Variants in SPATA6L observed in about 807,000 individuals in gnomAD.
SPATA6L encodes the protein spermatogenesis associated 6-like protein.
SPATA6L carries 68 observed loss-of-function variants against 49.2 expected under a neutral mutation model. That is an observed-to-expected ratio of 1.38 (90% CI 1.14 to 1.69). The LOEUF is 1.69. Ranked by LOEUF, SPATA6L falls within the 40% of genes most tolerant of loss-of-function variation. The probability of loss-of-function intolerance (pLI) is 0.00; values close to 1 mark genes in which losing one functional copy is unlikely to be tolerated. For missense variants in SPATA6L, 668 were observed against 464.3 expected (o/e 1.44, Z -4.03); for synonymous variants, 198 against 165.7 (o/e 1.19, Z -1.50).
intron 1 of SPATA6L, 22 bp downstream of exon 1, chr9:4,666,190 G>A: frequency 1.9e-6 from 3 of 1,613,646 alleles, no homozygotes; most frequent in Non-Finnish European, 2.5e-6. Flanking sequence ...GGTTAAGGAG[G>A]GGGAGTTCAT....
At position 4,662,985 on chromosome 9, in the gene SPATA6L, T is replaced by G; in HGVS notation, c.40-949A>C. The G allele has an allele frequency of 6.2e-7, 1 of 1,612,960 alleles. No individual in the cohort carries two copies. ...CCAGATGGACATGTTTGTCACTCTC[T>G]CGGTGGACAAGTACTCCTTCCCCTC... On this transcript the variant is annotated intron_variant, in intron 1 of 11. Transcript: ENST00000682582. The surrounding 1 kb of genome is among the most constrained non-coding windows in gnomAD (Gnocchi z 4.9).
intron 3 of SPATA6L, among the ~76,000 whole-genome samples, chr9:4,636,886 A>T (rs532745129): frequency 2.6e-5 from 4 of 152,200 alleles, no homozygotes; most frequent in African/African-American, 9.6e-5. Flanking sequence ...CTCCTCAGCA[A>T]TGTACTTCCA....
chr9:4,654,945 C>A (rs1022756794), intron 3 of SPATA6L, among the ~76,000 whole-genome samples: 1 of 152,150 alleles, frequency 6.6e-6, no homozygotes, highest in African/African-American at 2.4e-5. Context: ...CCTTCCTGTA[C>A]CGAGCACTTC....
intron 1 of SPATA6L, chr9:4,663,312 C>G (rs1036722630): frequency 6.4e-7 from 1 of 1,563,688 alleles, no homozygotes. Context: ...TTTCCACATT[C>G]GATGATGTCA....
intron 4 of SPATA6L, among the ~76,000 whole-genome samples, 181 bp from the exon 5 acceptor site, chr9:4,629,349 C>T (rs1212998062): frequency 6.6e-6 from 1 of 152,032 alleles, no homozygotes; most frequent in Non-Finnish European, 1.5e-5. Flanking sequence ...TATTATGTAT[C>T]AGAGCCAGGC....
At chr9:4,641,659 C>T (rs1587346992) in intron 3 of SPATA6L, among the ~76,000 whole-genome samples, 1 of 152,202 alleles carries the variant, frequency 6.6e-6, no homozygotes, top group Non-Finnish European at 1.5e-5. Context: ...ACTTGACAAT[C>T]AGAAGGTCCA....
chr9:4,610,153 A>T (rs1488852633), intron 9 of SPATA6L, among the ~76,000 whole-genome samples: 1 of 152,154 alleles, frequency 6.6e-6, no homozygotes, highest in Non-Finnish European at 1.5e-5. Flanking sequence ...AAGAGGATAC[A>T]AACAAATGGA....
At chr9:4,602,268 T>C (rs1478351827) in intron 11 of SPATA6L, among the ~76,000 whole-genome samples, 1 of 152,138 alleles carries the variant, frequency 6.6e-6, no homozygotes, top group Non-Finnish European at 1.5e-5. Context: ...CATTTGATAA[T>C]CATGTGGGCT....
At chr9:4,664,607 G>A (rs1361016640) in intron 1 of SPATA6L, 1 of 167,080 alleles carries the variant, frequency 6.0e-6, no homozygotes, top group African/African-American at 2.4e-5. Flanking sequence ...TGTGCTTTAA[G>A]TGCTGCTCTA....
chr9:4,644,681 TCTCTCACA>T (rs200225741), intron 3 of SPATA6L, among the ~76,000 whole-genome samples: 1,389 of 132,092 alleles, frequency 0.011, 15 homozygotes, highest in East Asian at 0.077. Context: ...TCTCTCTCTC[TCTCTCACA>T]CACACACACA....
chr9:4,661,764 G>GCTTCAAGGC, intron 2 of SPATA6L, 135 bp downstream of exon 2: 5 of 1,209,610 alleles, frequency 4.1e-6, no homozygotes, highest in Non-Finnish European at 5.6e-6. Context: ...CTGCGGTTTT[G>GCTTCAAGGC]CATTGTGCTG....
At position 4,618,088 on chromosome 9, in the gene SPATA6L, C is replaced by G. The variant is rs368549520; in HGVS notation, c.830G>C (p.Arg277Pro). ...TGATGAGTCACTCCTTAAAACAATC[C>G]GTTCATCTGGCTCTTTGATAACCTG... ...NVKVIKEPDE[R>P]IVLRSDSSSC... The change falls in exon 9 of 12, where the codon CGG (arginine) becomes CCG (proline). Residue 277 changes from arginine to proline, a missense_variant. Coordinates refer to ENST00000682582, the MANE Select transcript of SPATA6L (RefSeq NM_001353486.2). 1.2e-6 allele frequency: 2 copies of G among 1,610,438 alleles called. No homozygotes were observed. The highest frequency in any genetic ancestry group is 2.2e-5 in the East Asian group (1 of 44,714).
At chr9:4,630,771 G>A (rs1831356322) in intron 4 of SPATA6L, among the ~76,000 whole-genome samples, 1 of 152,190 alleles carries the variant, frequency 6.6e-6, no homozygotes, top group Non-Finnish European at 1.5e-5. Flanking sequence ...GCTATTAAGG[G>A]TTTCTATACA....
In SPATA6L at chr9:4,662,388, C is replaced by T. The variant is rs769612565; in HGVS notation, c.40-352G>A. The T allele has an allele frequency of 1.3e-6, 2 of 1,529,434 alleles. No individual in the cohort carries two copies. The highest frequency in any genetic ancestry group is 2.0e-5 in the Admixed American group (1 of 50,066). 94.7% of individuals were successfully genotyped at this position (1,529,434 alleles called of 1,614,324 possible). A position where few individuals can be genotyped will look rare whatever the true frequency, so the allele number is the denominator to read the frequency against. On this transcript the variant is annotated intron_variant, in intron 1 of 11. Transcript: ENST00000682582. This position sits in a 1 kb window ranked among gnomAD's most constrained non-coding sequence, Gnocchi z 4.9. The stretch of plus-strand genomic sequence containing the variant: ...GCCGCCAGCTGCGATGCCAAGTCCC[C>T]GGAGGAGCATGGAGGGACGGCCGCT...
At chr9:4,628,505 G>A (rs966418274) in intron 5 of SPATA6L, 2 of 151,986 alleles carry the variant, frequency 1.3e-5, no homozygotes, top group Admixed American at 6.6e-5. Flanking sequence ...GGAGTGCAGT[G>A]GAGCCATCTT....
intron 9 of SPATA6L, among the ~76,000 whole-genome samples, chr9:4,613,460 C>T (rs1439500792): frequency 1.4e-5 from 2 of 145,932 alleles, no homozygotes. Context: ...GGAGATAAGA[C>T]CAACAGTATG....
intron 9 of SPATA6L, among the ~76,000 whole-genome samples, chr9:4,613,236 A>AAAG (rs1827190355): frequency 6.6e-6 from 1 of 151,630 alleles, no homozygotes; most frequent in African/African-American, 2.4e-5. Flanking sequence ...TCAAAAAAAA[A>AAAG]AAAGAAAGAA....
At chr9:4,615,562 A>G (rs1827787637) in intron 9 of SPATA6L, among the ~76,000 whole-genome samples, 1 of 152,202 alleles carries the variant, frequency 6.6e-6, no homozygotes, top group Non-Finnish European at 1.5e-5. Flanking sequence ...CATCTAACAC[A>G]TATTTAAAGA....
At chr9:4,605,640 T>C (rs1168136084) in intron 9 of SPATA6L, among the ~76,000 whole-genome samples, 200 bp from the exon 10 acceptor site, 1 of 152,242 alleles carries the variant, frequency 6.6e-6, no homozygotes, top group Admixed American at 6.5e-5. Context: ...ACTGCTCAGA[T>C]GTTAAGAATT....
Sources: gnomAD v4.1 joint callset for allele counts (sites outside exome capture counted in the v4.1 genomes callset) on GRCh38, gnomAD v4.1.1 for gene constraint, Gnocchi (gnomAD v3.1) non-coding constraint, MANE v1.5 for transcripts, NCBI Gene and HGNC (gene_info 2026-07-23, HGNC 2026-07-21) for gene names.